The following ERBB4 variants were observed in gnomAD, a reference collection of about 807,000 sequenced individuals.
The protein encoded by ERBB4 is receptor tyrosine-protein kinase erbB-4.
In ERBB4, 42 loss-of-function variants were observed where a neutral mutation model predicts 158.0. The observed-to-expected ratio is 0.27, with a 90% CI of 0.21 to 0.34. The LOEUF (loss-of-function observed/expected upper bound fraction) is 0.34, where lower values mean the gene tolerates loss of function less well. Ranked by LOEUF, ERBB4 falls within the 10% of genes least tolerant of loss-of-function variation. ERBB4 has a pLI of 1.00. For missense variants in ERBB4, 1,333 were observed against 1,624.1 expected, an observed-to-expected ratio of 0.82 and a Z score of 3.08; for synonymous variants, 583 against 558.7, an observed-to-expected ratio of 1.04 and a Z score of -0.61.
intron 1 of ERBB4, among the ~76,000 whole-genome samples, chr2:212,434,873 C>T (rs1168467105): frequency 6.6e-6 from 1 of 151,966 alleles, no homozygotes; most frequent in East Asian, 1.9e-4. Flanking sequence ...AAAATATCAA[C>T]AAGTTTACTG....
chr2:211,966,170 C>T (rs772681639), intron 2 of ERBB4, among the ~76,000 whole-genome samples: 12 of 152,084 alleles, frequency 7.9e-5, no homozygotes, highest in Non-Finnish European at 1.6e-4. Context: ...GCCGTTTTCA[C>T]GCCATTGCAC....
At chr2:211,954,320 T>C (rs2080967242) in intron 2 of ERBB4, among the ~76,000 whole-genome samples, 1 of 152,058 alleles carries the variant, frequency 6.6e-6, no homozygotes, top group Non-Finnish European at 1.5e-5. Flanking sequence ...TAGCTAAGTA[T>C]GTAAAACTCT....
chr2:211,387,190 T>C (rs2062704591), intron 26 of ERBB4, 40 bp from the exon 27 acceptor site: 2 of 1,450,008 alleles, frequency 1.4e-6, no homozygotes, highest in African/African-American at 2.8e-5. Flanking sequence ...AAGGCGTTGT[T>C]AGAAATAGTT....
intron 1 of ERBB4, among the ~76,000 whole-genome samples, chr2:212,469,194 C>G (rs570340448): frequency 1.4e-4 from 22 of 152,232 alleles, no homozygotes; most frequent in South Asian, 4.1e-4. Context: ...TCTGAATAAT[C>G]TGATTGCTAA....
chr2:212,024,337 A>C (rs1351651967), intron 2 of ERBB4, among the ~76,000 whole-genome samples: 1 of 151,834 alleles, frequency 6.6e-6, no homozygotes, highest in Non-Finnish European at 1.5e-5. Flanking sequence ...ATAAAAAAAA[A>C]CAAAGAGCTT....
In ERBB4 at chr2:212,519,421, T is replaced by C. The variant is rs552801750; in HGVS notation, c.82+19028A>G. 3.7e-4 allele frequency among the ~76,000 whole-genome samples: 56 copies of C among 152,068 alleles called. No homozygotes were observed. The South Asian group carries it at 0.011, about 30-fold the overall frequency. On this transcript the variant is annotated intron_variant, in intron 1 of 27. Coordinates refer to ENST00000342788, the MANE Select transcript of ERBB4 (RefSeq NM_005235.3). ...CATCATATTCTTTTTCAAGAATGTA[T>C]TGATGGCTACAGTGGTCTGGGTAAT...
intron 14 of ERBB4, among the ~76,000 whole-genome samples, chr2:211,667,937 A>T (rs1205612882): frequency 5.9e-5 from 9 of 152,156 alleles, no homozygotes; most frequent in Admixed American, 5.9e-4. Context: ...AATGACCGGG[A>T]TATATTCTGA....
At chr2:211,514,507 C>G (rs1182954830) in intron 20 of ERBB4, among the ~76,000 whole-genome samples, 1 of 152,148 alleles carries the variant, frequency 6.6e-6, no homozygotes, top group African/African-American at 2.4e-5. Flanking sequence ...TTGCCATTCT[C>G]AAACAGTGAC....
intron 2 of ERBB4, among the ~76,000 whole-genome samples, chr2:212,014,650 A>G (rs1575517843): frequency 6.6e-6 from 1 of 152,032 alleles, no homozygotes; most frequent in Non-Finnish European, 1.5e-5. Context: ...CACCTCTCAC[A>G]TTGCTTTATT....
chr2:212,024,747 C>G (rs2076735342), intron 2 of ERBB4, among the ~76,000 whole-genome samples: 1 of 151,792 alleles, frequency 6.6e-6, no homozygotes. Context: ...GGAAAAGAGT[C>G]AAGTATTCAA....
At chr2:212,134,567 CT>C (rs200657462) in intron 1 of ERBB4, among the ~76,000 whole-genome samples, 1 of 150,858 alleles carries the variant, frequency 6.6e-6, no homozygotes, top group African/African-American at 2.4e-5. Flanking sequence ...AATTGGTATC[CT>C]TTTAAAAAAA....
chr2:211,982,626 T>G (rs934259568), intron 2 of ERBB4, among the ~76,000 whole-genome samples: 1 of 152,142 alleles, frequency 6.6e-6, no homozygotes, highest in Non-Finnish European at 1.5e-5. Context: ...TGGGAGTCCT[T>G]TCAATAGAAT....
At chr2:211,651,137 C>A (rs1157172733) in intron 16 of ERBB4, among the ~76,000 whole-genome samples, 1 of 152,172 alleles carries the variant, frequency 6.6e-6, no homozygotes, top group Non-Finnish European at 1.5e-5. Flanking sequence ...GACACTGAGA[C>A]CTTACCTTAC....
chr2:212,015,189 C>G (rs2076501159), intron 2 of ERBB4, among the ~76,000 whole-genome samples: 1 of 147,238 alleles, frequency 6.8e-6, no homozygotes, highest in Admixed American at 6.8e-5. Flanking sequence ...TGGGGTGAAC[C>G]CAGCAGACAG....
At chr2:211,445,386 A>G (rs891023344) in intron 20 of ERBB4, among the ~76,000 whole-genome samples, 27 of 152,284 alleles carry the variant, frequency 1.8e-4, no homozygotes, top group African/African-American at 6.0e-4. Flanking sequence ...AGGTTAAACC[A>G]TAAGAGAGCA....
At chr2:212,140,415 A>G (rs2080417638) in intron 1 of ERBB4, among the ~76,000 whole-genome samples, 1 of 142,264 alleles carries the variant, frequency 7.0e-6, no homozygotes, top group African/African-American at 2.8e-5. Context: ...ATATATTTAT[A>G]TATATGTTAT....
intron 2 of ERBB4, among the ~76,000 whole-genome samples, chr2:212,094,579 A>G (rs1290785775): frequency 6.6e-6 from 1 of 151,662 alleles, no homozygotes; most frequent in Non-Finnish European, 1.5e-5. Context: ...AAAAATAAAA[A>G]AAAAAAGAAC....
At chr2:211,411,628 T>C (rs749577005) in intron 25 of ERBB4, among the ~76,000 whole-genome samples, 12 of 152,158 alleles carry the variant, frequency 7.9e-5, no homozygotes, top group Non-Finnish European at 1.3e-4. Flanking sequence ...TGGGCAGTTT[T>C]GTGTGTGTGA....
chr2:211,475,738 A>C lies in ERBB4; in HGVS notation c.2488-44638T>G, dbSNP rs542353260. 2.0e-5 allele frequency among the ~76,000 whole-genome samples: 3 copies of C among 152,228 alleles called. No individual in the cohort carries two copies. In the South Asian group the frequency reaches 6.2e-4, roughly 32 times the overall value. On this transcript the variant is annotated intron_variant, in intron 20 of 27. Coordinates refer to ENST00000342788, the MANE Select transcript of ERBB4 (RefSeq NM_005235.3). The stretch of plus-strand genomic sequence containing the variant: ...GCAGAAAACTTTCTGTTAACAGCTT[A>C]TATTCTGAAAATCAATCATCTGAAA...
Sources: gnomAD v4.1 joint callset for allele counts (sites outside exome capture counted in the v4.1 genomes callset) on GRCh38, gnomAD v4.1.1 for gene constraint, MANE v1.5 for transcripts, NCBI Gene and HGNC (gene_info 2026-07-23, HGNC 2026-07-21) for gene names.